Variants in SLC24A2 observed in about 807,000 individuals in gnomAD.
SLC24A2 encodes the protein sodium/potassium/calcium exchanger 2.
SLC24A2 carries 36 observed loss-of-function variants against 62.0 expected under a neutral mutation model. That is an observed-to-expected ratio of 0.58 (90% CI 0.44 to 0.77). SLC24A2 has a LOEUF of 0.77. SLC24A2 is among the 30% of genes least tolerant of loss of function. SLC24A2 has a pLI of 0.00. For missense variants in SLC24A2, 846 were observed against 817.9 expected (o/e 1.03, Z -0.42); for synonymous variants, 358 against 294.0 (o/e 1.22, Z -2.23).
chr9:19,688,911 C>T (rs1587155607), intron 2 of SLC24A2, among the ~76,000 whole-genome samples: 1 of 152,012 alleles, frequency 6.6e-6, no homozygotes, highest in East Asian at 1.9e-4. Flanking sequence ...ATTGAGTACA[C>T]AATATATATT....
At chr9:20,173,548 G>A in the SLC24A2 span, among the ~76,000 whole-genome samples, 1 of 152,042 alleles carries the variant, frequency 6.6e-6, no homozygotes, top group Non-Finnish European at 1.5e-5. Flanking sequence ...TGACCAAGCT[G>A]AGAATCAAAT....
rs377267592 is a variant in SLC24A2 at position 19,673,164 on chromosome 9, C to T, written c.931-50865G>A. Among the ~76,000 whole-genome samples, 14 of 146,160 alleles carry T rather than the reference C, an allele frequency of 9.6e-5. 2 individuals carry two copies. Among genetic ancestry groups the T allele is most frequent in the East Asian group, 7.7e-4 (4 of 5,176 alleles). ...AGTCCTCCAATATTAATTGTGTTGC[C>T]ATGTATCTCATTTCTTAGGTCTAGT... On this transcript the variant is annotated intron_variant, in intron 2 of 10. Transcript: ENST00000341998.
chr9:20,060,295 A>G, the SLC24A2 span, among the ~76,000 whole-genome samples: 1 of 152,128 alleles, frequency 6.6e-6, no homozygotes, highest in Admixed American at 6.6e-5. Context: ...ACATTTTCTA[A>G]CCCATTCCAA....
chr9:20,245,060 A>G, the SLC24A2 span, among the ~76,000 whole-genome samples: 4 of 152,222 alleles, frequency 2.6e-5, no homozygotes, highest in African/African-American at 7.2e-5. Context: ...AGAATATGTC[A>G]TAATGGGAAA....
At chr9:19,627,034 C>G (rs2383107) in intron 2 of SLC24A2, among the ~76,000 whole-genome samples, 114,037 of 152,116 alleles carry the variant, frequency 0.75, 42,859 homozygotes, top group East Asian at 0.86. Flanking sequence ...AATTCCTAGA[C>G]AAAGAAAGAA....
Position 19,515,777 on chromosome 9 carries a change from G to C in SLC24A2, c.*376C>G, listed in dbSNP as rs1020695284. On this transcript the variant is annotated 3_prime_UTR_variant, in exon 11 of 11. Coordinates refer to ENST00000341998, the MANE Select transcript of SLC24A2 (RefSeq NM_020344.4). ...GGTATGCAAGGAGAGGTATAGTACA[G>C]GAACAGGCAGGATTTGTGTGTTCAT... 2 of 306,310 alleles carry C rather than the reference G, an allele frequency of 6.5e-6. No individual in the cohort carries two copies. Among genetic ancestry groups the C allele is most frequent in the African/African-American group, 4.3e-5 (2 of 46,254 alleles). The allele number at this position is 306,310 out of a possible 1,614,324, so 19.0% of individuals were successfully genotyped here.
At chr9:20,037,311 C>G in the SLC24A2 span, among the ~76,000 whole-genome samples, 2 of 152,180 alleles carry the variant, frequency 1.3e-5, no homozygotes, top group Admixed American at 6.5e-5. Flanking sequence ...AAAGTCTGTA[C>G]ATGTACAGAC....
the SLC24A2 span, among the ~76,000 whole-genome samples, chr9:20,044,045 A>G: frequency 6.6e-6 from 1 of 152,202 alleles, no homozygotes; most frequent in Non-Finnish European, 1.5e-5. Context: ...GTCAGCAGCC[A>G]TCAACGTCAA....
chr9:19,550,881 G>A (rs2132749674), intron 7 of SLC24A2, among the ~76,000 whole-genome samples: 1 of 151,958 alleles, frequency 6.6e-6, no homozygotes, highest in South Asian at 2.1e-4. Flanking sequence ...GTATTTCTGG[G>A]GTAAATGTAT....
intron 7 of SLC24A2, 144 bp downstream of exon 7, chr9:19,573,207 A>G: frequency 1.6e-6 from 1 of 628,314 alleles, no homozygotes; most frequent in East Asian, 3.0e-5. Context: ...GCACTGGGAA[A>G]TACACACAAG....
chr9:19,886,560 A>T, the SLC24A2 span, among the ~76,000 whole-genome samples: 1 of 152,230 alleles, frequency 6.6e-6, no homozygotes, highest in Non-Finnish European at 1.5e-5. Context: ...GAAACAACAG[A>T]TGCTGGTAAG....
the SLC24A2 span, among the ~76,000 whole-genome samples, chr9:20,096,498 T>C: frequency 5.3e-5 from 8 of 152,138 alleles, no homozygotes; most frequent in African/African-American, 9.6e-5. Flanking sequence ...AATTCTGTTA[T>C]ACTAATCTTT....
At chr9:20,243,518 A>C in the SLC24A2 span, among the ~76,000 whole-genome samples, 1 of 152,174 alleles carries the variant, frequency 6.6e-6, no homozygotes, top group Non-Finnish European at 1.5e-5. Context: ...CATCATCCTC[A>C]GTATTTGAGG....
chr9:20,061,922 A>G, the SLC24A2 span, among the ~76,000 whole-genome samples: 1 of 152,184 alleles, frequency 6.6e-6, no homozygotes, highest in Admixed American at 6.6e-5. Context: ...AAATATTTGC[A>G]AATCATATAT....
At chr9:19,762,783 G>C (rs1417845504) in intron 2 of SLC24A2, among the ~76,000 whole-genome samples, 1 of 128,056 alleles carries the variant, frequency 7.8e-6, no homozygotes, top group Non-Finnish European at 1.6e-5. Flanking sequence ...GATTGTCTTG[G>C]CTATATGTGC....
chr9:19,764,556 T>C (rs1481693938), intron 2 of SLC24A2, among the ~76,000 whole-genome samples: 2 of 152,262 alleles, frequency 1.3e-5, no homozygotes, highest in African/African-American at 2.4e-5. Flanking sequence ...AATTTTGTTA[T>C]TTACGCAGTA....
intron 2 of SLC24A2, among the ~76,000 whole-genome samples, chr9:19,717,653 T>C (rs534083786): frequency 6.6e-6 from 1 of 152,320 alleles, no homozygotes; most frequent in African/African-American, 2.4e-5. Flanking sequence ...TAAAGTTACA[T>C]AGCATCCTGT....
chr9:20,260,339 A>T, the SLC24A2 span, among the ~76,000 whole-genome samples: 2 of 152,252 alleles, frequency 1.3e-5, no homozygotes, highest in Admixed American at 1.3e-4. Flanking sequence ...TGAATTACCC[A>T]GTCTCAGGTA....
intron 2 of SLC24A2, among the ~76,000 whole-genome samples, chr9:19,651,201 G>A (rs942668060): frequency 1.1e-4 from 17 of 152,160 alleles, no homozygotes; most frequent in African/African-American, 1.7e-4. Context: ...TGGAAAGCAC[G>A]TCAGCATTAA....
Sources: gnomAD v4.1 joint callset for allele counts (sites outside exome capture counted in the v4.1 genomes callset) on GRCh38, gnomAD v4.1.1 for gene constraint, MANE v1.5 for transcripts, NCBI Gene and HGNC (gene_info 2026-07-23, HGNC 2026-07-21) for gene names.